Variants in IPPK observed in about 807,000 individuals in gnomAD.
IPPK encodes IPK1 homolog.
In IPPK, 22 loss-of-function variants were observed where a neutral mutation model predicts 64.6. The ratio of observed to expected loss-of-function variants is 0.34; its 90% CI spans 0.24 to 0.49. The LOEUF (loss-of-function observed/expected upper bound fraction) is 0.49. Ranked by LOEUF, IPPK falls within the 20% of genes least tolerant of loss-of-function variation. IPPK has a pLI of 0.99. For synonymous variants in IPPK, 262 were observed against 247.2 expected, an observed-to-expected ratio of 1.06 and a Z score of -0.56; for missense variants, 532 against 630.7, an observed-to-expected ratio of 0.84 and a Z score of 1.68.
chr9:92,622,127 T>C (rs1000949356), intron 11 of IPPK, among the ~76,000 whole-genome samples: 3 of 152,112 alleles, frequency 2.0e-5, no homozygotes, highest in Non-Finnish European at 2.9e-5. Flanking sequence ...CAACATCTGC[T>C]CCTGATTTTA....
chr9:92,644,416 G>T (rs1451092532), intron 6 of IPPK, among the ~76,000 whole-genome samples: 1 of 152,116 alleles, frequency 6.6e-6, no homozygotes, highest in South Asian at 2.1e-4. Context: ...CACAGAGGAC[G>T]CAGATGAGGG....
At chr9:92,629,584 G>A (rs945564376) in intron 11 of IPPK, among the ~76,000 whole-genome samples, 28 of 151,760 alleles carry the variant, frequency 1.8e-4, no homozygotes, top group Admixed American at 4.6e-4. Flanking sequence ...AAACCTTGTC[G>A]CTAACAAAAT....
At chr9:92,646,519 AAAG>A (rs764836421) in intron 6 of IPPK, among the ~76,000 whole-genome samples, 103 of 152,278 alleles carry the variant, frequency 6.8e-4, no homozygotes, top group Non-Finnish European at 9.4e-4. Flanking sequence ...TCAGTTCGTC[AAAG>A]AAGAAAGCAA....
intron 6 of IPPK, among the ~76,000 whole-genome samples, chr9:92,644,142 G>C (rs1852104172): frequency 6.6e-6 from 1 of 152,000 alleles, no homozygotes; most frequent in Non-Finnish European, 1.5e-5. Context: ...ATGACCTCCA[G>C]AAATTCTCTC....
rs1226815156 is a variant in IPPK at position 92,652,497 on chromosome 9, T to C, written c.292+76A>G. The C allele has an allele frequency of 5.8e-6, 4 of 688,854 alleles. No individual in the cohort carries two copies. The Admixed American group carries it at 7.7e-5, about 13-fold the overall frequency. The allele number at this position is 688,854 out of a possible 1,614,324, so 42.7% of individuals were successfully genotyped here. A position where few individuals can be genotyped will look rare whatever the true frequency, so the allele number is the denominator to read the frequency against. On this transcript the variant is annotated intron_variant, in intron 4 of 12. Coordinates refer to ENST00000287996, the MANE Select transcript of IPPK (RefSeq NM_022755.6). ...TACTGAAAAATGCATATACCTAACATGGGTAATCATTTCAAACACTTTTCA... is the reference window on the plus strand; with the variant it reads ...TACTGAAAAATGCATATACCTAACACGGGTAATCATTTCAAACACTTTTCA...
At chr9:92,625,492 GAACACACTA>G (rs1436833200) in intron 11 of IPPK, among the ~76,000 whole-genome samples, 12 of 152,138 alleles carry the variant, frequency 7.9e-5, no homozygotes, top group African/African-American at 2.9e-4. Context: ...ACAGTGGTGT[GAACACACTA>G]AAGAGACAGG....
intron 1 of IPPK, among the ~76,000 whole-genome samples, chr9:92,664,312 C>A (rs192397247): frequency 6.6e-6 from 1 of 152,188 alleles, no homozygotes; most frequent in East Asian, 1.9e-4. Context: ...CATTTGACAC[C>A]GGATGAAAAG....
At chr9:92,649,327 C>G in intron 5 of IPPK, 126 bp downstream of exon 5, 1 of 1,095,636 alleles carries the variant, frequency 9.1e-7, no homozygotes, top group South Asian at 1.5e-5. Context: ...GTGGAGTTTC[C>G]AGGAGCCAAG....
At chr9:92,633,120 C>T (rs1851875375) in intron 11 of IPPK, among the ~76,000 whole-genome samples, 1 of 151,994 alleles carries the variant, frequency 6.6e-6, no homozygotes, top group African/African-American at 2.4e-5. Context: ...AAGTGATTCT[C>T]CTACCTCAGC....
chr9:92,620,937 A>T (rs1239883664), intron 11 of IPPK, among the ~76,000 whole-genome samples: 1 of 152,210 alleles, frequency 6.6e-6, no homozygotes, highest in Non-Finnish European at 1.5e-5. Flanking sequence ...GGTAGCTTAT[A>T]AACAACAGAA....
chr9:92,654,211 T>C (rs766432522), intron 3 of IPPK, among the ~76,000 whole-genome samples: 8 of 152,212 alleles, frequency 5.3e-5, no homozygotes, highest in Non-Finnish European at 8.8e-5. Flanking sequence ...TGCATATCTG[T>C]GTTTAAAGTC....
intron 8 of IPPK, among the ~76,000 whole-genome samples, chr9:92,639,007 G>C (rs1022784462): frequency 2.8e-4 from 43 of 152,298 alleles, no homozygotes; most frequent in African/African-American, 1.0e-3. Context: ...CCAACCCCAG[G>C]AGAGTAGCAA....
Position 92,670,032 on chromosome 9 carries a change from CGCG to C in IPPK, c.-47_-45del. ...CGCCTCGCGGGCTAGGACTCGGGGACGCGAGCTGGGGGCCGCCCGCCTCGCTGG... is the reference window on the plus strand; with the variant it reads ...CGCCTCGCGGGCTAGGACTCGGGGACAGCTGGGGGCCGCCCGCCTCGCTGG... On this transcript the variant is annotated 5_prime_UTR_variant, in exon 1 of 13. Coordinates refer to ENST00000287996, the MANE Select transcript of IPPK (RefSeq NM_022755.6). 6.8e-7 allele frequency: 1 copy of C among 1,470,612 alleles called. No individual in the cohort carries two copies. The highest frequency in any genetic ancestry group is 9.3e-7 in the Non-Finnish European group (1 of 1,078,268). The allele number at this position is 1,470,612 out of a possible 1,614,324, so 91.1% of individuals were successfully genotyped here.
Position 92,660,555 on chromosome 9 carries a change from T to C in IPPK, c.82-1874A>G, listed in dbSNP as rs543939906. 2.0e-5 allele frequency among the ~76,000 whole-genome samples: 3 copies of C among 152,326 alleles called. No individual in the cohort carries two copies. The East Asian group carries it at 5.8e-4, about 29-fold the overall frequency. ...ACAATGGACTTTTGTAGCAAAGCAGTCCTGATCAGGGTGATGCCAGGCCAA... is the reference window on the plus strand; with the variant it reads ...ACAATGGACTTTTGTAGCAAAGCAGCCCTGATCAGGGTGATGCCAGGCCAA... On this transcript the variant is annotated intron_variant, in intron 1 of 12. Coordinates refer to ENST00000287996, the MANE Select transcript of IPPK (RefSeq NM_022755.6).
rs986871280 is a variant in IPPK at position 92,615,589 on chromosome 9, C to T, written c.*243G>A. 26 of 488,726 alleles carry T rather than the reference C, an allele frequency of 5.3e-5. No individual in the cohort carries two copies. The highest frequency in any genetic ancestry group is 3.1e-4 in the Admixed American group (9 of 28,874). 30.3% of individuals were successfully genotyped at this position (488,726 alleles called of 1,614,324 possible). ...TCCAGAACGTCTTCCCAGGGCTTAA[C>T]GGACACTTCCATTTTAAGAGTGTGA... On this transcript the variant is annotated 3_prime_UTR_variant, in exon 13 of 13. Coordinates refer to ENST00000287996, the MANE Select transcript of IPPK (RefSeq NM_022755.6).
At chr9:92,623,123 T>G (rs114753202) in intron 11 of IPPK, among the ~76,000 whole-genome samples, 1 of 152,112 alleles carries the variant, frequency 6.6e-6, no homozygotes, top group South Asian at 2.1e-4. Context: ...GAACCGTTCT[T>G]ATAAGGACTC....
At chr9:92,652,281 C>T (rs1852281384) in intron 4 of IPPK, among the ~76,000 whole-genome samples, 1 of 151,804 alleles carries the variant, frequency 6.6e-6, no homozygotes, top group Non-Finnish European at 1.5e-5. Flanking sequence ...AACCCCATCT[C>T]TATTAAAAAT....
chr9:92,639,598 G>T (rs538890115), intron 8 of IPPK, among the ~76,000 whole-genome samples: 8 of 152,286 alleles, frequency 5.3e-5, no homozygotes, highest in African/African-American at 1.9e-4. Context: ...CAGAGTTCCA[G>T]AGACATTAGG....
intron 11 of IPPK, 96 bp from the exon 12 acceptor site, chr9:92,619,661 C>A (rs1277860359): frequency 1.8e-6 from 2 of 1,112,376 alleles, no homozygotes; most frequent in East Asian, 5.2e-5. Flanking sequence ...GGAACTGCTT[C>A]CTGCCTCAGA....
Sources: allele counts gnomAD v4.1 joint callset (sites outside exome capture counted in the v4.1 genomes callset), GRCh38; gene constraint gnomAD v4.1.1; transcripts MANE v1.5; gene names NCBI Gene and HGNC (gene_info 2026-07-23, HGNC 2026-07-21).